PCDHGB4: variants seen among roughly 807,000 people sequenced by gnomAD.
PCDHGB4 encodes protocadherin gamma subfamily B, 4, also known as protocadherin gamma-B4.
Under a neutral mutation model 60.5 loss-of-function variants are expected in PCDHGB4, and 38 were observed. The observed-to-expected ratio is 0.63, with a 90% CI of 0.48 to 0.82. The LOEUF is 0.82. PCDHGB4 is among the 40% of genes least tolerant of loss of function. The pLI is 0.00. For synonymous variants in PCDHGB4, 456 were observed against 509.7 expected, an observed-to-expected ratio of 0.89 and a Z score of 1.42; for missense variants, 1,109 against 1,209.6, an observed-to-expected ratio of 0.92 and a Z score of 1.23.
At chr5:141,413,353 C>T (rs2095629361) in intron 1 of PCDHGB4, 2 of 1,613,844 alleles carry the variant, frequency 1.2e-6, no homozygotes, top group Middle Eastern at 1.6e-4. Context: ...GGGTCTGGCG[C>T]CCCGGGAGCT....
chr5:141,404,838 C>T (rs1561696680), intron 1 of PCDHGB4: 1 of 1,613,850 alleles, frequency 6.2e-7, no homozygotes, highest in East Asian at 2.2e-5. Flanking sequence ...GTGCGCACAG[C>T]TCGGGCCCTG....
chr5:141,418,041 T>C lies in PCDHGB4; in HGVS notation c.2397+27760T>C, dbSNP rs764313049. The C allele has an allele frequency of 1.2e-6, 2 of 1,613,858 alleles. No individual in the cohort carries two copies. Among genetic ancestry groups the C allele is most frequent in the Non-Finnish European group, 1.7e-6 (2 of 1,179,856 alleles). On this transcript the variant is annotated intron_variant, in intron 1 of 3. Transcript: ENST00000519479. ...GATCTAGGGCTTAGTGTCCTGGATG[T>C]GTCGGCTCGCGAGCTGCGAGTGAGC... is the stretch of plus-strand genomic sequence containing the variant.
chr5:141,431,904 T>A lies in PCDHGB4; in HGVS notation c.2397+41623T>A. On this transcript the variant is annotated intron_variant, in intron 1 of 3. Transcript: ENST00000519479. The surrounding 1 kb of genome is among the most constrained non-coding windows in gnomAD (Gnocchi z 4.8). ...CAAGATTCTGAGGAAAACGGACAGG[T>A]GATCTGTTTCATCCAAGGAAATCTG... is the stretch of plus-strand genomic sequence containing the variant. 1 of 1,613,846 alleles carries A rather than the reference T, an allele frequency of 6.2e-7. No individual in the cohort carries two copies. Among genetic ancestry groups the A allele is most frequent in the Non-Finnish European group, 8.5e-7 (1 of 1,179,708 alleles).
chr5:141,398,545 C>T (rs774657005), intron 1 of PCDHGB4: 2 of 1,613,768 alleles, frequency 1.2e-6, no homozygotes, highest in Non-Finnish European at 1.7e-6. Flanking sequence ...TTCCTTTGAG[C>T]TGCAAATAAG....
intron 1 of PCDHGB4, among the ~76,000 whole-genome samples, chr5:141,484,207 A>G (rs898823095): frequency 2.6e-5 from 4 of 152,218 alleles, no homozygotes; most frequent in Non-Finnish European, 5.9e-5. Context: ...ATCTATGAAC[A>G]TTAGCATTCT....
intron 1 of PCDHGB4, among the ~76,000 whole-genome samples, chr5:141,454,796 A>ATTTTTTTTTTT (rs61612330): frequency 0.014 from 1,093 of 77,476 alleles, 165 homozygotes; most frequent in African/African-American, 0.018. Flanking sequence ...CATGGTTCTA[A>ATTTTTTTTTTT]TTTTTTTTTT....
chr5:141,476,912 G>A lies in PCDHGB4; in HGVS notation c.2398-17895G>A, dbSNP rs1196222770. 1.9e-6 allele frequency: 3 copies of A among 1,614,098 alleles called. No homozygotes were observed. Among genetic ancestry groups the A allele is most frequent in the Non-Finnish European group, 2.5e-6 (3 of 1,180,048 alleles). On this transcript the variant is annotated intron_variant, in intron 1 of 3. Coordinates refer to ENST00000519479, the MANE Select transcript of PCDHGB4 (RefSeq NM_003736.4). The surrounding 1 kb of genome is among the most constrained non-coding windows in gnomAD (Gnocchi z 7.6). Reference sequence around the variant, plus strand: ...ACCCTCCGGCACGCGCGTGGTACAAGTCCTTGCAACGGATCTGGATGAAGG... The same window carrying A: ...ACCCTCCGGCACGCGCGTGGTACAAATCCTTGCAACGGATCTGGATGAAGG...
chr5:141,420,005 C>T, intron 1 of PCDHGB4: 2 of 1,614,056 alleles, frequency 1.2e-6, no homozygotes, highest in Non-Finnish European at 1.7e-6. Context: ...TCTACGCCTG[C>T]GACAGTCTTT....
In PCDHGB4 at chr5:141,490,309, A is replaced by G. The variant is rs1485303337; in HGVS notation, c.2398-4498A>G. On this transcript the variant is annotated intron_variant, in intron 1 of 3. Transcript: ENST00000519479. The surrounding 1 kb of genome is among the most constrained non-coding windows in gnomAD (Gnocchi z 5.4). ...AGAGGTGCTATTGGCCTCTTTGGCCAACCCTGTCCTAGAGAGCACACCAGT... is the reference window on the plus strand; with the variant it reads ...AGAGGTGCTATTGGCCTCTTTGGCCGACCCTGTCCTAGAGAGCACACCAGT... The G allele has an allele frequency of 2.8e-5, 46 of 1,614,126 alleles. No homozygotes were observed. Among genetic ancestry groups the G allele is most frequent in the Non-Finnish European group, 3.8e-5 (45 of 1,180,056 alleles).
intron 1 of PCDHGB4, chr5:141,393,996 G>C (rs1379037065): frequency 3.1e-6 from 5 of 1,613,290 alleles, no homozygotes; most frequent in East Asian, 2.2e-5. Flanking sequence ...TTTTAAATTA[G>C]AAAAGTCAAT....
In PCDHGB4 at chr5:141,461,525, A is replaced by T. The variant is rs966592635; in HGVS notation, c.2398-33282A>T. ...TTGGTGATTTGTTAGTTCCTTGTAGATTCTGGATACTAGTCCTTTGTCAGA... is the reference window on the plus strand; with the variant it reads ...TTGGTGATTTGTTAGTTCCTTGTAGTTTCTGGATACTAGTCCTTTGTCAGA... On this transcript the variant is annotated intron_variant, in intron 1 of 3. Coordinates refer to ENST00000519479, the MANE Select transcript of PCDHGB4 (RefSeq NM_003736.4). 5.3e-5 allele frequency among the ~76,000 whole-genome samples: 8 copies of T among 152,106 alleles called. No individual in the cohort carries two copies. The South Asian group carries it at 1.7e-3, about 31-fold the overall frequency.
intron 1 of PCDHGB4, among the ~76,000 whole-genome samples, chr5:141,425,417 G>A (rs1238708306): frequency 2.0e-5 from 3 of 152,162 alleles, no homozygotes; most frequent in East Asian, 3.9e-4. Context: ...ATAACATATA[G>A]TCCCATTAAA....
chr5:141,438,344 C>A (rs1591501799), intron 1 of PCDHGB4, among the ~76,000 whole-genome samples: 1 of 151,664 alleles, frequency 6.6e-6, no homozygotes, highest in African/African-American at 2.4e-5. Flanking sequence ...ATATAAGGAT[C>A]TACTCTGTGT....
chr5:141,460,128 T>C (rs10051366), intron 1 of PCDHGB4, among the ~76,000 whole-genome samples: 42,386 of 151,808 alleles, frequency 0.28, 6,635 homozygotes, highest in African/African-American at 0.43. Context: ...ATATGTAATA[T>C]ATATATTCTT....
rs367651596 is a variant in PCDHGB4, at chr5:141,393,468, A to G, written c.2397+3187A>G. 1.1e-5 allele frequency: 18 copies of G among 1,613,922 alleles called. No individual in the cohort carries two copies. The highest frequency in any genetic ancestry group is 8.0e-5 in the African/African-American group (6 of 74,958). ...GGTCCTCACGGCCTCGGATGGCGGC[A>G]AGCCGCCTCGCTCTAGCACAGTGCG... On this transcript the variant is annotated intron_variant, in intron 1 of 3. Coordinates refer to ENST00000519479, the MANE Select transcript of PCDHGB4 (RefSeq NM_003736.4).
chr5:141,400,217 T>C (rs771117256), intron 1 of PCDHGB4: 1 of 1,613,916 alleles, frequency 6.2e-7, no homozygotes, highest in Non-Finnish European at 8.5e-7. Flanking sequence ...TTGATCTCAG[T>C]GCTCTTCCTC....
chr5:141,393,261 G>A lies in PCDHGB4; in HGVS notation c.2397+2980G>A, dbSNP rs567943150. 16 of 1,613,898 alleles carry A rather than the reference G, an allele frequency of 9.9e-6. 1 individual carries two copies. Among genetic ancestry groups the A allele is most frequent in the South Asian group, 1.1e-5 (1 of 91,090 alleles). ...AATTAACGAAATCGCGGTTCCTGGAGCACGTTATCCACTCCCAGAAGCTGT... is the reference window on the plus strand; with the variant it reads ...AATTAACGAAATCGCGGTTCCTGGAACACGTTATCCACTCCCAGAAGCTGT... On this transcript the variant is annotated intron_variant, in intron 1 of 3. Transcript: ENST00000519479.
intron 1 of PCDHGB4, among the ~76,000 whole-genome samples, chr5:141,463,479 C>T (rs1162346496): frequency 4.1e-5 from 5 of 120,544 alleles, no homozygotes; most frequent in Non-Finnish European, 8.1e-5. Flanking sequence ...GATGGAGTCT[C>T]GCTCTGTCAC....
chr5:141,395,310 A>G (rs752171326), intron 1 of PCDHGB4: 7 of 1,502,410 alleles, frequency 4.7e-6, no homozygotes. Context: ...TTTGAAAAAC[A>G]TTGTGAAGAT....
Sources: allele counts gnomAD v4.1 joint callset (sites outside exome capture counted in the v4.1 genomes callset), GRCh38; gene constraint gnomAD v4.1.1; non-coding constraint Gnocchi (gnomAD v3.1); transcripts MANE v1.5; gene names NCBI Gene and HGNC (gene_info 2026-07-23, HGNC 2026-07-21).